The following MYT1L variants were observed in gnomAD, a reference collection of about 807,000 sequenced individuals.
The protein encoded by MYT1L is myelin transcription factor 1 like, also known as myelin transcription factor 1-like protein.
In MYT1L, 12 loss-of-function variants were observed where a neutral mutation model predicts 126.7. That is an observed-to-expected ratio of 0.09 (90% CI 0.06 to 0.15). The LOEUF (loss-of-function observed/expected upper bound fraction) is 0.15. Among genes scored for constraint, MYT1L ranks in the 10% least tolerant of loss-of-function variants. MYT1L has a pLI of 1.00. For missense variants in MYT1L, 979 were observed against 1,585.2 expected (o/e 0.62, Z 6.49); for synonymous variants, 541 against 604.2 (o/e 0.90, Z 1.53).
chr2:1,913,040 G>A (rs1234737533), intron 11 of MYT1L, among the ~76,000 whole-genome samples: 1 of 152,176 alleles, frequency 6.6e-6, no homozygotes. Flanking sequence ...CTGACAGCAA[G>A]GTTTACCTGA....
rs540671829 is a variant in MYT1L at position 1,867,257 on chromosome 2, G to T, written c.2712-15554C>A. Among the ~76,000 whole-genome samples the T allele has an allele frequency of 7.9e-5, 12 of 152,120 alleles. No individual in the cohort carries two copies. In the East Asian group the frequency reaches 2.3e-3, roughly 30 times the overall value. ...TTGGGCGAAGGTGTGGATGAAGGGG[G>T]GCCTTGCTGGAAATGAACCGAGGGT... On this transcript the variant is annotated intron_variant, in intron 18 of 24. Transcript: ENST00000647738.
chr2:1,895,141 G>C (rs2049415246), intron 14 of MYT1L, among the ~76,000 whole-genome samples: 1 of 152,160 alleles, frequency 6.6e-6, no homozygotes. Flanking sequence ...TAGGAGCACA[G>C]CTCACCAAGG....
At chr2:1,949,758 G>A (rs968483234) in intron 8 of MYT1L, among the ~76,000 whole-genome samples, 1 of 152,200 alleles carries the variant, frequency 6.6e-6, no homozygotes, top group Non-Finnish European at 1.5e-5. Flanking sequence ...GGTGGGAAGT[G>A]TCCTGTGCGT....
Position 1,923,217 on chromosome 2 carries a change from T to C in MYT1L, c.552A>G (p.Thr184=), listed in dbSNP as rs1411681862. The C allele has an allele frequency of 6.2e-7, 1 of 1,611,194 alleles. No homozygotes were observed. The highest frequency in any genetic ancestry group is 8.5e-7 in the Non-Finnish European group (1 of 1,178,308). ...NCHNTRIMQD[T]EKDDNNNDEY... ...CGTCATTATTGTTATCATCCTTTTC[T>C]GTGTCTTGCATTATTCGAGTATTGT... Residue 184 remains threonine, a synonymous_variant, in exon 10 of 25, where the codon ACA becomes ACG. Transcript: ENST00000647738.
chr2:2,098,662 T>C (rs568013352), intron 3 of MYT1L, among the ~76,000 whole-genome samples: 179 of 152,314 alleles, frequency 1.2e-3, no homozygotes, highest in African/African-American at 4.0e-3. Context: ...AAGAATTTCC[T>C]GGCCCATCAA....
chr2:1,923,982 G>C (rs2053900247), intron 9 of MYT1L, among the ~76,000 whole-genome samples: 1 of 152,216 alleles, frequency 6.6e-6, no homozygotes, highest in Non-Finnish European at 1.5e-5. Context: ...AAGTGAGAGA[G>C]AGAGAAAGCG....
At chr2:2,129,046 G>C (rs1224614753) in intron 3 of MYT1L, among the ~76,000 whole-genome samples, 1 of 152,178 alleles carries the variant, frequency 6.6e-6, no homozygotes, top group African/African-American at 2.4e-5. Context: ...CAAAATTAAT[G>C]GCTTTTCTTT....
chr2:1,893,178 T>C (rs2049141432), intron 14 of MYT1L, among the ~76,000 whole-genome samples: 1 of 152,210 alleles, frequency 6.6e-6, no homozygotes, highest in African/African-American at 2.4e-5. Context: ...GGTTATTTGT[T>C]AGAGCTATTT....
chr2:2,025,943 G>A (rs968164065), intron 4 of MYT1L, among the ~76,000 whole-genome samples: 1 of 152,222 alleles, frequency 6.6e-6, no homozygotes, highest in African/African-American at 2.4e-5. Context: ...CAAAGGCAGA[G>A]CTTCAGCAAG....
intron 2 of MYT1L, among the ~76,000 whole-genome samples, chr2:2,277,221 C>T (rs1437668982): frequency 6.6e-5 from 10 of 152,262 alleles, no homozygotes; most frequent in African/African-American, 1.2e-4. Flanking sequence ...CCATCTGCCT[C>T]GGCCTCCCAA....
chr2:1,923,792 G>C (rs2053873148), intron 9 of MYT1L, among the ~76,000 whole-genome samples: 1 of 152,204 alleles, frequency 6.6e-6, no homozygotes, highest in Admixed American at 6.5e-5. Flanking sequence ...GAGTCAGGCA[G>C]GGGTGCCGGC....
Position 1,910,458 on chromosome 2 carries a change from T to C in MYT1L, c.1710-111A>G. On this transcript the variant is annotated intron_variant, in intron 12 of 24. Transcript: ENST00000647738. This position sits in a 1 kb window ranked among gnomAD's most constrained non-coding sequence, Gnocchi z 4.8. ...GCAGGTGGAGCTGGTGAGGGAGGGG[T>C]AGTTTCCCAAACCTGGCACAGGCAG... The C allele has an allele frequency of 1.0e-6, 1 of 977,858 alleles. No homozygotes were observed. The highest frequency in any genetic ancestry group is 1.5e-6 in the Non-Finnish European group (1 of 646,172). The allele number at this position is 977,858 out of a possible 1,614,324, so 60.6% of individuals were successfully genotyped here. A position where few individuals can be genotyped will look rare whatever the true frequency, so the allele number is the denominator to read the frequency against.
chr2:2,019,381 T>C (rs920516782), intron 4 of MYT1L, among the ~76,000 whole-genome samples: 2 of 152,192 alleles, frequency 1.3e-5, no homozygotes, highest in Admixed American at 6.5e-5. Flanking sequence ...CTTGTGGAAC[T>C]GTGAGTCAAT....
intron 2 of MYT1L, among the ~76,000 whole-genome samples, chr2:2,252,538 C>A (rs1273828213): frequency 6.6e-6 from 1 of 152,200 alleles, no homozygotes; most frequent in African/African-American, 2.4e-5. Context: ...TTGCATACAG[C>A]AGAATTCTTA....
chr2:2,169,257 T>C (rs1406700212), intron 3 of MYT1L, among the ~76,000 whole-genome samples: 1 of 152,174 alleles, frequency 6.6e-6, no homozygotes, highest in Non-Finnish European at 1.5e-5. Context: ...CTAAGCTCCT[T>C]GGGCAGTGTG....
chr2:1,985,218 A>G (rs1299991076), intron 5 of MYT1L, among the ~76,000 whole-genome samples: 1 of 152,204 alleles, frequency 6.6e-6, no homozygotes, highest in African/African-American at 2.4e-5. Context: ...CGCTTGGTCA[A>G]TTCTTTGCTT....
At chr2:1,891,933 T>C in intron 15 of MYT1L, 104 bp downstream of exon 15, 1 of 1,430,820 alleles carries the variant, frequency 7.0e-7, no homozygotes, top group Non-Finnish European at 9.1e-7. Flanking sequence ...TCACGGCGTT[T>C]GCCCCATACA....
In MYT1L at chr2:2,166,950, C is replaced by A. The variant is rs559706960; in HGVS notation, c.-304+5922G>T. 1.8e-4 allele frequency among the ~76,000 whole-genome samples: 28 copies of A among 152,238 alleles called. No individual in the cohort carries two copies. In the South Asian group the frequency reaches 5.4e-3, roughly 29 times the overall value. ...AATCTTTCTGCATGGGTTCAGAGTG[C>A]GTCATTTTCCACATAGCTGCATAGT... On this transcript the variant is annotated intron_variant, in intron 3 of 24. Transcript: ENST00000647738.
chr2:1,885,777 T>C (rs1182546556), intron 18 of MYT1L, among the ~76,000 whole-genome samples: 1 of 152,194 alleles, frequency 6.6e-6, no homozygotes, highest in African/African-American at 2.4e-5. Flanking sequence ...TCACCCTCTT[T>C]CCCTGTGTGC....
Sources: gnomAD v4.1 joint callset for allele counts (sites outside exome capture counted in the v4.1 genomes callset) on GRCh38, gnomAD v4.1.1 for gene constraint, Gnocchi (gnomAD v3.1) non-coding constraint, MANE v1.5 for transcripts, NCBI Gene and HGNC (gene_info 2026-07-23, HGNC 2026-07-21) for gene names.